The following ALDH1A2 variants were observed in gnomAD, a reference collection of about 807,000 sequenced individuals.
The protein encoded by ALDH1A2 is retinal dehydrogenase 2.
ALDH1A2 carries 27 observed loss-of-function variants against 60.3 expected under a neutral mutation model. The ratio of observed to expected loss-of-function variants is 0.45; its 90% confidence interval spans 0.33 to 0.62. The LOEUF is 0.62. Among genes scored for constraint, ALDH1A2 ranks in the 20% least tolerant of loss-of-function variants. The pLI is 0.02. For synonymous variants in ALDH1A2, 289 were observed against 232.4 expected (o/e 1.24, Z -2.21); for missense variants, 581 against 643.8 (o/e 0.90, Z 1.06).
At chr15:57,961,095 TACC>T (rs1226768997) in intron 11 of ALDH1A2, 39 bp downstream of exon 11, 1 of 1,610,320 alleles carries the variant, frequency 6.2e-7, no homozygotes, top group African/African-American at 1.3e-5. Context: ...CTGGTCCCTA[TACC>T]ACCAGTGGAA....
At chr15:58,010,501 C>A in intron 4 of ALDH1A2, 148 bp downstream of exon 4, 1 of 899,804 alleles carries the variant, frequency 1.1e-6, no homozygotes, top group Non-Finnish European at 1.7e-6. Flanking sequence ...GAGTCAGTGA[C>A]ATAATTTGGT....
At chr15:57,955,849 A>T (rs1278819509) in intron 12 of ALDH1A2, among the ~76,000 whole-genome samples, 2 of 151,810 alleles carry the variant, frequency 1.3e-5, no homozygotes, top group Admixed American at 6.6e-5. Context: ...TCTCTTCTCT[A>T]TTCTCCTGTT....
intron 7 of ALDH1A2, among the ~76,000 whole-genome samples, chr15:57,966,502 T>TA (rs1325794660): frequency 2.0e-5 from 3 of 152,198 alleles, no homozygotes; most frequent in Non-Finnish European, 4.4e-5. Context: ...ATCCACCACT[T>TA]AGAGCCCCTG....
At chr15:58,003,170 A>G (rs1895333555) in intron 4 of ALDH1A2, among the ~76,000 whole-genome samples, 1 of 151,860 alleles carries the variant, frequency 6.6e-6, no homozygotes, top group Non-Finnish European at 1.5e-5. Flanking sequence ...GGGATCCCTG[A>G]GGCCCTTTTC....
At chr15:58,028,866 T>A (rs1242805983) in intron 1 of ALDH1A2, among the ~76,000 whole-genome samples, 1 of 152,146 alleles carries the variant, frequency 6.6e-6, no homozygotes, top group Non-Finnish European at 1.5e-5. Context: ...TAAACACATA[T>A]GCACCCAATA....
At chr15:57,999,027 T>G (rs897502172) in intron 4 of ALDH1A2, among the ~76,000 whole-genome samples, 1 of 152,090 alleles carries the variant, frequency 6.6e-6, no homozygotes, top group Non-Finnish European at 1.5e-5. Context: ...GACCCCTTCT[T>G]TACATCTTAT....
At chr15:57,985,537 T>C (rs1299416354) in intron 7 of ALDH1A2, among the ~76,000 whole-genome samples, 1 of 152,222 alleles carries the variant, frequency 6.6e-6, no homozygotes, top group African/African-American at 2.4e-5. Flanking sequence ...CATAATTATA[T>C]AGCTATGAAG....
chr15:58,015,400 C>T lies in ALDH1A2; in HGVS notation c.118-1119G>A, dbSNP rs1053192825. Among the ~76,000 whole-genome samples the T allele has an allele frequency of 1.1e-4, 16 of 152,284 alleles. No individual in the cohort carries two copies. The South Asian group carries it at 1.5e-3, about 14-fold the overall frequency. ...CATGTAGAAGGAGGCACTGATTAAA[C>T]TATAACTTTCTTTTCCCAAAGGATT... On this transcript the variant is annotated intron_variant, in intron 1 of 12. Coordinates refer to ENST00000249750, the MANE Select transcript of ALDH1A2 (RefSeq NM_003888.4).
chr15:57,995,169 A>G, intron 4 of ALDH1A2, 30 bp from the exon 5 acceptor site: 2 of 1,567,054 alleles, frequency 1.3e-6, no homozygotes, highest in Non-Finnish European at 1.8e-6. Context: ...TCACTCCCAG[A>G]AAGTTTAGAT....
At chr15:58,012,211 A>G (rs1895652683) in intron 3 of ALDH1A2, 1 of 152,196 alleles carries the variant, frequency 6.6e-6, no homozygotes, top group Non-Finnish European at 1.5e-5. Flanking sequence ...TGAAAATATA[A>G]CTGGAGAAAT....
Position 57,960,662 on chromosome 15 carries a change from G to A in ALDH1A2, c.1484+108C>T. On this transcript the variant is annotated intron_variant, in intron 12 of 12. Coordinates refer to ENST00000249750, the MANE Select transcript of ALDH1A2 (RefSeq NM_003888.4). ...GTAGCATGTGCTCCACGAAATGTTT[G>A]TTGAATGTATGGATGAGTGTAAGAT... 11 of 935,526 alleles carry A rather than the reference G, an allele frequency of 1.2e-5. No individual in the cohort carries two copies. The South Asian group carries it at 1.4e-4, about 12-fold the overall frequency. The allele number at this position is 935,526 out of a possible 1,614,324, so 58.0% of individuals were successfully genotyped here. A position where few individuals can be genotyped will look rare whatever the true frequency, so the allele number is the denominator to read the frequency against.
intron 7 of ALDH1A2, among the ~76,000 whole-genome samples, chr15:57,975,529 G>A (rs1033225424): frequency 6.6e-6 from 1 of 152,190 alleles, no homozygotes; most frequent in Non-Finnish European, 1.5e-5. Flanking sequence ...ATGCTCCAAT[G>A]AGCCTTTCCT....
chr15:58,003,659 G>T (rs745377426), intron 4 of ALDH1A2, among the ~76,000 whole-genome samples: 2 of 151,830 alleles, frequency 1.3e-5, no homozygotes, highest in Non-Finnish European at 2.9e-5. Context: ...TTCTCCCTAA[G>T]TAAATGAAAA....
intron 7 of ALDH1A2, among the ~76,000 whole-genome samples, chr15:57,969,830 C>A (rs1894004687): frequency 6.7e-6 from 1 of 149,988 alleles, no homozygotes; most frequent in African/African-American, 2.5e-5. Flanking sequence ...CGTGTGATAC[C>A]TCCTGCCCCA....
chr15:58,006,049 T>G (rs1308715779), intron 4 of ALDH1A2, among the ~76,000 whole-genome samples: 1 of 151,802 alleles, frequency 6.6e-6, no homozygotes, highest in African/African-American at 2.4e-5. Context: ...TTCAATAGTT[T>G]TGGGAGTACA....
chr15:58,021,402 A>T (rs1206738591), intron 1 of ALDH1A2, among the ~76,000 whole-genome samples: 2 of 152,198 alleles, frequency 1.3e-5, no homozygotes, highest in African/African-American at 4.8e-5. Flanking sequence ...ATCCTCCCTG[A>T]CTGGGATCAG....
intron 1 of ALDH1A2, among the ~76,000 whole-genome samples, chr15:58,026,744 G>A (rs1005504513): frequency 3.9e-5 from 6 of 152,202 alleles, no homozygotes; most frequent in Admixed American, 1.3e-4. Context: ...CGGGTCCCAT[G>A]CCCACGGAGC....
At chr15:57,966,107 A>G (rs1431662311) in intron 7 of ALDH1A2, among the ~76,000 whole-genome samples, 1 of 152,224 alleles carries the variant, frequency 6.6e-6, no homozygotes, top group African/African-American at 2.4e-5. Context: ...GATTTCTCTA[A>G]AGACAACTGG....
intron 1 of ALDH1A2, among the ~76,000 whole-genome samples, chr15:58,061,676 G>C (rs1228833998): frequency 1.4e-5 from 2 of 145,146 alleles, no homozygotes. Flanking sequence ...TAGAAAAAGT[G>C]TATGGTGATG....
Sources: allele counts gnomAD v4.1 joint callset (sites outside exome capture counted in the v4.1 genomes callset), GRCh38; gene constraint gnomAD v4.1.1; transcripts MANE v1.5; gene names NCBI Gene and HGNC (gene_info 2026-07-23, HGNC 2026-07-21).